TMEM117: variants seen among roughly 807,000 people sequenced by gnomAD.
TMEM117 encodes the protein transmembrane protein 117.
TMEM117 carries 27 observed loss-of-function variants against 52.4 expected under a neutral mutation model. The ratio of observed to expected loss-of-function variants is 0.51; its 90% confidence interval spans 0.38 to 0.71. TMEM117 has a LOEUF of 0.71. Among genes scored for constraint, TMEM117 ranks in the 30% least tolerant of loss-of-function variants. The probability of loss-of-function intolerance (pLI) is 0.00; values close to 1 mark genes in which losing one functional copy is unlikely to be tolerated. For missense variants in TMEM117, 556 were observed against 630.5 expected (o/e 0.88, Z 1.26); for synonymous variants, 215 against 206.3 (o/e 1.04, Z -0.36).
chr12:44,105,940 C>T (rs115470138), intron 3 of TMEM117, among the ~76,000 whole-genome samples: 1,744 of 152,058 alleles, frequency 0.011, 22 homozygotes, highest in South Asian at 0.052. Flanking sequence ...GGAAGTAAAA[C>T]TTCTAAATTT....
chr12:44,102,612 C>T (rs985031816), intron 3 of TMEM117, among the ~76,000 whole-genome samples: 6 of 151,884 alleles, frequency 4.0e-5, no homozygotes, highest in East Asian at 1.9e-4. Flanking sequence ...TCCTATCCTC[C>T]GAGCCCTAAA....
chr12:44,322,197 T>C (rs1419357029), intron 6 of TMEM117, among the ~76,000 whole-genome samples: 1 of 152,192 alleles, frequency 6.6e-6, no homozygotes, highest in African/African-American at 2.4e-5. Flanking sequence ...CCAGATGTTG[T>C]TACTTCGTAG....
At chr12:44,354,577 A>G (rs1455241972) in intron 6 of TMEM117, among the ~76,000 whole-genome samples, 1 of 151,354 alleles carries the variant, frequency 6.6e-6, no homozygotes, top group Non-Finnish European at 1.5e-5. Flanking sequence ...CCACATGATT[A>G]TCTCAATAGA....
At chr12:44,176,104 ATCT>A (rs1387612818) in intron 4 of TMEM117, among the ~76,000 whole-genome samples, 1 of 152,210 alleles carries the variant, frequency 6.6e-6, no homozygotes, top group Non-Finnish European at 1.5e-5. Context: ...AAGAAGTTTA[ATCT>A]TCTACATATT....
intron 4 of TMEM117, among the ~76,000 whole-genome samples, chr12:44,202,332 T>G (rs1214877013): frequency 6.6e-6 from 1 of 152,198 alleles, no homozygotes; most frequent in Non-Finnish European, 1.5e-5. Flanking sequence ...CTAGTTTGTT[T>G]ATTTTTAACG....
the TMEM117 span, among the ~76,000 whole-genome samples, chr12:43,825,107 C>T: frequency 1.3e-5 from 2 of 151,920 alleles, no homozygotes; most frequent in African/African-American, 4.8e-5. Flanking sequence ...TTTTGGTTTT[C>T]ATGAGAAGCT....
chr12:44,151,201 C>A (rs931556643), intron 4 of TMEM117, among the ~76,000 whole-genome samples: 1 of 151,934 alleles, frequency 6.6e-6, no homozygotes, highest in East Asian at 1.9e-4. Context: ...TTTTTCATCC[C>A]CAACTTAGTT....
At chr12:44,351,742 G>A (rs562145207) in intron 6 of TMEM117, among the ~76,000 whole-genome samples, 1 of 151,804 alleles carries the variant, frequency 6.6e-6, no homozygotes, top group Non-Finnish European at 1.5e-5. Context: ...TTTGCTTGTG[G>A]ATGTTTGACT....
chr12:44,274,037 A>T (rs1458235773), intron 5 of TMEM117, among the ~76,000 whole-genome samples: 1 of 152,166 alleles, frequency 6.6e-6, no homozygotes, highest in Non-Finnish European at 1.5e-5. Context: ...TTGTTTGCAG[A>T]TGATATTATC....
intron 4 of TMEM117, among the ~76,000 whole-genome samples, chr12:44,179,801 T>C (rs561376862): frequency 6.6e-6 from 1 of 152,346 alleles, no homozygotes; most frequent in South Asian, 2.1e-4. Context: ...ACTGACTATC[T>C]TTATCATTGT....
the TMEM117 span, among the ~76,000 whole-genome samples, chr12:43,802,877 A>C: frequency 6.6e-6 from 1 of 152,198 alleles, no homozygotes; most frequent in Non-Finnish European, 1.5e-5. Context: ...ACAGTAAGAA[A>C]TATTAAATAA....
At chr12:44,264,949 C>G (rs1332953085) in intron 5 of TMEM117, among the ~76,000 whole-genome samples, 1 of 152,132 alleles carries the variant, frequency 6.6e-6, no homozygotes. Context: ...CCAAAAGTGA[C>G]AGAGCTGGGA....
rs574245747 is a variant in TMEM117 at position 43,934,835 on chromosome 12, A to G, written c.278-9375A>G. ...AATATTAATGTAATGGTACTCTTAGAGTACAAAAGTTTTATCATCTTACAT... is the reference window on the plus strand; with the variant it reads ...AATATTAATGTAATGGTACTCTTAGGGTACAAAAGTTTTATCATCTTACAT... On this transcript the variant is annotated intron_variant, in intron 2 of 7. Transcript: ENST00000266534. 6.6e-5 allele frequency among the ~76,000 whole-genome samples: 10 copies of G among 152,264 alleles called. No homozygotes were observed. The East Asian group carries it at 1.7e-3, about 26-fold the overall frequency.
chr12:44,336,631 A>G (rs1367320420), intron 6 of TMEM117, among the ~76,000 whole-genome samples: 1 of 151,918 alleles, frequency 6.6e-6, no homozygotes, highest in Non-Finnish European at 1.5e-5. Context: ...TCCTGGTTTT[A>G]TGTTTTAGAG....
chr12:44,179,123 G>C (rs1222245889), intron 4 of TMEM117, among the ~76,000 whole-genome samples: 1 of 152,084 alleles, frequency 6.6e-6, no homozygotes, highest in African/African-American at 2.4e-5. Context: ...GAACCCGGGA[G>C]GTGGAGTTGC....
At chr12:44,076,748 C>T (rs1474703630) in intron 3 of TMEM117, among the ~76,000 whole-genome samples, 2 of 152,112 alleles carry the variant, frequency 1.3e-5, no homozygotes, top group Non-Finnish European at 2.9e-5. Context: ...TTGAACTTTA[C>T]TATAATAAAT....
chr12:44,095,697 C>A (rs954942943), intron 3 of TMEM117, among the ~76,000 whole-genome samples: 1 of 151,984 alleles, frequency 6.6e-6, no homozygotes, highest in Non-Finnish European at 1.5e-5. Context: ...ATTTTCATGA[C>A]TCAAAGATAC....
At chr12:44,376,556 A>G (rs779381975) in intron 6 of TMEM117, 39 bp from the exon 7 acceptor site, 1 of 1,580,456 alleles carries the variant, frequency 6.3e-7, no homozygotes, top group Non-Finnish European at 8.6e-7. Flanking sequence ...TTAGGAATGA[A>G]ACGAATCACA....
At chr12:43,860,218 T>C (rs993529483) in intron 2 of TMEM117, among the ~76,000 whole-genome samples, 3 of 152,148 alleles carry the variant, frequency 2.0e-5, no homozygotes, top group Non-Finnish European at 4.4e-5. Context: ...AGAATTTCTT[T>C]TTTGAAGCTT....
Sources: gnomAD v4.1 joint callset for allele counts (sites outside exome capture counted in the v4.1 genomes callset) on GRCh38, gnomAD v4.1.1 for gene constraint, MANE v1.5 for transcripts, NCBI Gene and HGNC (gene_info 2026-07-23, HGNC 2026-07-21) for gene names.